HERC4: variants seen among roughly 807,000 people sequenced by gnomAD.
HERC4 encodes probable E3 ubiquitin-protein ligase HERC4.
Under a neutral mutation model 124.3 loss-of-function variants are expected in HERC4, and 28 were observed. That is an observed-to-expected ratio of 0.23 (90% confidence interval 0.17 to 0.31). HERC4 has a LOEUF of 0.31. Among genes scored for constraint, HERC4 ranks in the 10% least tolerant of loss-of-function variants. The pLI, the probability that HERC4 is intolerant of heterozygous loss-of-function variation, is 1.00. For synonymous variants in HERC4, 407 were observed against 421.5 expected, an observed-to-expected ratio of 0.97 and a Z score of 0.42; for missense variants, 713 against 1,229.3, an observed-to-expected ratio of 0.58 and a Z score of 6.28.
chr10:68,049,605 A>AAAAC (rs1554827750), intron 3 of HERC4, among the ~76,000 whole-genome samples: 3 of 149,934 alleles, frequency 2.0e-5, no homozygotes, highest in African/African-American at 7.5e-5. Flanking sequence ...AAAAAAAAAA[A>AAAAC]AAAAAAAACA....
rs769024542 is a variant in HERC4 at position 67,932,592 on chromosome 10, C to G, written c.2838+5G>C. ...TAACAATATCAGAGATTAGTTTTCC[C>G]CTACCTTTTCCAGTTCCTTCCAATC... is the stretch of plus-strand genomic sequence containing the variant. On this transcript the variant is annotated splice_donor_5th_base_variant and intron_variant, in intron 23 of 24. Transcript: ENST00000373700. 3 of 1,601,228 alleles carry G rather than the reference C, an allele frequency of 1.9e-6. No homozygotes were observed. Among genetic ancestry groups the G allele is most frequent in the Admixed American group, 1.8e-5 (1 of 57,024 alleles).
intron 20 of HERC4, among the ~76,000 whole-genome samples, chr10:67,940,528 T>TCCTG: frequency 6.6e-6 from 1 of 152,256 alleles, no homozygotes; most frequent in Admixed American, 6.5e-5. Context: ...CAAGCAATTC[T>TCCTG]CCTGCCTCAG....
At position 67,990,523 on chromosome 10, in the gene HERC4, GA is replaced by G. The variant is rs143757534; in HGVS notation, c.1444-124del. On this transcript the variant is annotated intron_variant, in intron 13 of 24. Coordinates refer to ENST00000373700, the MANE Select transcript of HERC4 (RefSeq NM_015601.4). ...GAAAATTTTGCACTACAGCAAATAT[GA>G]AATGGTGAAGAAGAAAAAAGAAAGA... 6.2e-3 allele frequency: 3,326 copies of G among 532,808 alleles called. 139 individuals are homozygous for G. The East Asian group carries it at 0.08, about 13-fold the overall frequency. 33.0% of individuals were successfully genotyped at this position (532,808 alleles called of 1,614,324 possible).
intron 15 of HERC4, among the ~76,000 whole-genome samples, chr10:67,983,243 T>C (rs1362797924): frequency 6.6e-6 from 1 of 152,136 alleles, no homozygotes; most frequent in African/African-American, 2.4e-5. Flanking sequence ...GGATGTGGAC[T>C]AAAGGGAACC....
chr10:68,065,910 T>C (rs536399956), intron 3 of HERC4, among the ~76,000 whole-genome samples: 1 of 152,204 alleles, frequency 6.6e-6, no homozygotes, highest in Non-Finnish European at 1.5e-5. Flanking sequence ...CATAGGTTTT[T>C]CTCGCATATA....
chr10:68,052,605 C>G lies in HERC4; in HGVS notation c.227-8042G>C, dbSNP rs115875585. 3.5e-3 allele frequency among the ~76,000 whole-genome samples: 540 copies of G among 152,172 alleles called. 2 individuals carry two copies. The highest frequency in any genetic ancestry group is 0.013 in the African/African-American group (521 of 41,506). On this transcript the variant is annotated intron_variant, in intron 3 of 24. Transcript: ENST00000373700. Reference sequence around the variant, plus strand: ...GTTCTTGTTGCAAAATATTACATAACAAAGTACTTCCTGTTGAATGAGTAA... The same window carrying G: ...GTTCTTGTTGCAAAATATTACATAAGAAAGTACTTCCTGTTGAATGAGTAA...
chr10:67,940,615 C>T (rs1046759784), intron 20 of HERC4, among the ~76,000 whole-genome samples: 4 of 152,056 alleles, frequency 2.6e-5, no homozygotes, highest in African/African-American at 2.4e-5. Flanking sequence ...GATGGGGTTT[C>T]GCCATGTTGG....
chr10:67,940,876 T>C, intron 20 of HERC4, 63 bp downstream of exon 20: 2 of 1,363,040 alleles, frequency 1.5e-6, no homozygotes, highest in South Asian at 1.4e-5. Context: ...GAAAGCTTTC[T>C]GTACCTTCCC....
At chr10:68,059,459 A>AATAATATTATATATTATATATT (rs1564606581) in intron 3 of HERC4, among the ~76,000 whole-genome samples, 2 of 83,210 alleles carry the variant, frequency 2.4e-5, no homozygotes, top group South Asian at 4.2e-4. Flanking sequence ...TATATATTAT[A>AATAATATTATATATTATATATT]ATAATATTAT....
At chr10:68,042,466 A>G (rs2039819546) in intron 4 of HERC4, among the ~76,000 whole-genome samples, 1 of 152,338 alleles carries the variant, frequency 6.6e-6, no homozygotes, top group South Asian at 2.1e-4. Flanking sequence ...TCTACAAAAA[A>G]TACAAAATTG....
chr10:67,965,437 A>G (rs1384768163), intron 16 of HERC4: 1 of 152,222 alleles, frequency 6.6e-6, no homozygotes, highest in Non-Finnish European at 1.5e-5. Flanking sequence ...TGAATAAGCA[A>G]ATGAATAGAC....
intron 21 of HERC4, among the ~76,000 whole-genome samples, chr10:67,938,746 C>A (rs1038734871): frequency 5.3e-5 from 8 of 152,008 alleles, no homozygotes; most frequent in Admixed American, 2.0e-4. Flanking sequence ...GAGTTCGAGA[C>A]CAGCCTGGCC....
At chr10:68,005,384 G>A (rs1239227257) in intron 9 of HERC4, among the ~76,000 whole-genome samples, 1 of 152,064 alleles carries the variant, frequency 6.6e-6, no homozygotes, top group Non-Finnish European at 1.5e-5. Context: ...CCATTTGCAT[G>A]GAATATCTTT....
chr10:68,035,601 C>T (rs1050813520), intron 5 of HERC4, among the ~76,000 whole-genome samples: 2 of 152,180 alleles, frequency 1.3e-5, no homozygotes, highest in African/African-American at 4.8e-5. Context: ...TATTTCAGTG[C>T]TTTCTCACTG....
Position 67,922,931 on chromosome 10 carries a change from T to C in HERC4, c.3150A>G (p.Ter1050=). The C allele has an allele frequency of 6.3e-7, 1 of 1,595,560 alleles. No individual in the cohort carries two copies. Among genetic ancestry groups the C allele is most frequent in the Non-Finnish European group, 8.6e-7 (1 of 1,168,478 alleles). The change falls in exon 25 of 25, where the codon TAA becomes TAG. Residue 1050 remains the stop codon, a stop_retained_variant. Coordinates refer to ENST00000373700, the MANE Select transcript of HERC4 (RefSeq NM_015601.4). ...AAACTGAATAGTTATAACTCCAAAGTTATATTAAACTGAAGCCTTCATTGT... is the reference window on the plus strand; with the variant it reads ...AAACTGAATAGTTATAACTCCAAAGCTATATTAAACTGAAGCCTTCATTGT... ...IDHNEGFSLI[*]
chr10:67,959,477 T>G (rs978593355), intron 16 of HERC4, among the ~76,000 whole-genome samples: 1 of 152,162 alleles, frequency 6.6e-6, no homozygotes, highest in South Asian at 2.1e-4. Context: ...AAAAAAAATT[T>G]ATGGCTCAGT....
At chr10:68,039,542 TTATTG>T in intron 4 of HERC4, 1 of 1,544,652 alleles carries the variant, frequency 6.5e-7, no homozygotes, top group Non-Finnish European at 8.7e-7. Context: ...TGATTCCATA[TTATTG>T]TATTAAAAAT....
chr10:68,066,170 T>C (rs1184149090), intron 3 of HERC4, among the ~76,000 whole-genome samples: 3 of 152,244 alleles, frequency 2.0e-5, no homozygotes, highest in African/African-American at 7.2e-5. Context: ...ATATACTTTA[T>C]AGCCTAGGAA....
At chr10:67,963,211 T>C (rs1333832004) in intron 16 of HERC4, among the ~76,000 whole-genome samples, 1 of 152,094 alleles carries the variant, frequency 6.6e-6, no homozygotes, top group African/African-American at 2.4e-5. Context: ...ATTTGTAATG[T>C]TATTTACTAT....
Sources: gnomAD v4.1 joint callset for allele counts (sites outside exome capture counted in the v4.1 genomes callset) on GRCh38, gnomAD v4.1.1 for gene constraint, MANE v1.5 for transcripts, NCBI Gene and HGNC (gene_info 2026-07-23, HGNC 2026-07-21) for gene names.